RBM18: variants seen among roughly 807,000 people sequenced by gnomAD.
The protein encoded by RBM18 is RNA binding motif protein 18, also known as probable RNA-binding protein 18.
In RBM18, 18 loss-of-function variants were observed where a neutral mutation model predicts 26.4. The observed-to-expected ratio is 0.68, with a 90% confidence interval of 0.47 to 1.01. RBM18 has a LOEUF of 1.01. Ranked by LOEUF, RBM18 falls within the 50% of genes least tolerant of loss-of-function variation. The probability of loss-of-function intolerance (pLI) is 0.00; values close to 1 mark genes in which losing one functional copy is unlikely to be tolerated. For missense variants in RBM18, 180 were observed against 219.2 expected, an observed-to-expected ratio of 0.82 and a Z score of 1.13; for synonymous variants, 74 against 81.1, an observed-to-expected ratio of 0.91 and a Z score of 0.47.
chr9:122,264,221 T>C (rs191664932), intron 1 of RBM18, among the ~76,000 whole-genome samples: 105 of 152,332 alleles, frequency 6.9e-4, no homozygotes, highest in Admixed American at 6.2e-3. Context: ...TGGGTACAAT[T>C]TGTCGTCTCA....
chr9:122,256,406 G>A (rs1220234983), intron 2 of RBM18, among the ~76,000 whole-genome samples: 2 of 151,990 alleles, frequency 1.3e-5, no homozygotes, highest in African/African-American at 2.4e-5. Flanking sequence ...ATAATACAGC[G>A]GCTACGACTT....
At position 122,239,745 on chromosome 9, in the gene RBM18, A is replaced by G. The variant is rs748796654; in HGVS notation, c.*2139T>C. On this transcript the variant is annotated 3_prime_UTR_variant, in exon 6 of 6. Coordinates refer to ENST00000417201, the MANE Select transcript of RBM18 (RefSeq NM_033117.4). ...CAGTACGATACTTGCAGAGATTTCCATTAACAACTTCTTTTCAAATAGTGA... is the reference window on the plus strand; with the variant it reads ...CAGTACGATACTTGCAGAGATTTCCGTTAACAACTTCTTTTCAAATAGTGA... 1 of 152,254 alleles carries G rather than the reference A, an allele frequency of 6.6e-6. No homozygotes were observed. Among genetic ancestry groups the G allele is most frequent in the Non-Finnish European group, 1.5e-5 (1 of 68,046 alleles). The allele number at this position is 152,254 out of a possible 1,614,324, so 9.4% of individuals were successfully genotyped here. A position where few individuals can be genotyped will look rare whatever the true frequency, so the allele number is the denominator to read the frequency against.
chr9:122,251,158 G>A (rs1831599828), intron 3 of RBM18, among the ~76,000 whole-genome samples: 1 of 152,036 alleles, frequency 6.6e-6, no homozygotes, highest in Non-Finnish European at 1.5e-5. Context: ...CCCCATCTCA[G>A]CCTCCAGGGT....
At chr9:122,253,404 T>C (rs538438842) in intron 2 of RBM18, among the ~76,000 whole-genome samples, 1 of 152,184 alleles carries the variant, frequency 6.6e-6, no homozygotes, top group Non-Finnish European at 1.5e-5. Flanking sequence ...TGGATATTAA[T>C]CTGGTCTATT....
At chr9:122,247,266 A>G (rs1274558298) in intron 4 of RBM18, among the ~76,000 whole-genome samples, 4 of 152,214 alleles carry the variant, frequency 2.6e-5, no homozygotes, top group African/African-American at 9.6e-5. Flanking sequence ...CTGAGCGTAC[A>G]CATTAGCCAC....
chr9:122,250,311 A>G (rs1373069470), intron 3 of RBM18, among the ~76,000 whole-genome samples: 2 of 152,186 alleles, frequency 1.3e-5, no homozygotes, highest in Non-Finnish European at 2.9e-5. Flanking sequence ...CTATGCATGG[A>G]CTTTGATGAT....
At chr9:122,253,057 T>C (rs1256494949) in intron 2 of RBM18, among the ~76,000 whole-genome samples, 1 of 152,196 alleles carries the variant, frequency 6.6e-6, no homozygotes, top group Admixed American at 6.5e-5. Context: ...CTCTAAACAA[T>C]GCTGTCCCTG....
chr9:122,261,551 G>T, intron 1 of RBM18, 43 bp from the exon 2 acceptor site: 2 of 1,222,244 alleles, frequency 1.6e-6, no homozygotes, highest in Non-Finnish European at 2.4e-6. Context: ...GAGTAACAAT[G>T]TGTGAACACA....
chr9:122,256,038 AAAC>A (rs3048199), intron 2 of RBM18, among the ~76,000 whole-genome samples: 4,432 of 151,670 alleles, frequency 0.029, 177 homozygotes, highest in African/African-American at 0.093. Flanking sequence ...CTCAAAAAGA[AAAC>A]AACAACAACA....
At chr9:122,255,916 C>G (rs1402335035) in intron 2 of RBM18, among the ~76,000 whole-genome samples, 1 of 151,628 alleles carries the variant, frequency 6.6e-6, no homozygotes. Context: ...GGAGGATTGC[C>G]TGAGCTTGGG....
intron 2 of RBM18, among the ~76,000 whole-genome samples, chr9:122,257,368 G>C (rs1410793965): frequency 6.6e-6 from 1 of 152,112 alleles, no homozygotes. Flanking sequence ...GGATGGTCTC[G>C]ATCTCCTGAC....
chr9:122,260,520 A>G (rs1344913692), intron 2 of RBM18, among the ~76,000 whole-genome samples: 1 of 152,192 alleles, frequency 6.6e-6, no homozygotes, highest in Non-Finnish European at 1.5e-5. Flanking sequence ...TTTCATCTTA[A>G]TGGCTGTGAT....
chr9:122,242,004 T>C lies in RBM18; in HGVS notation c.453A>G (p.Lys151=). 1.2e-6 allele frequency: 2 copies of C among 1,614,128 alleles called. No homozygotes were observed. The highest frequency in any genetic ancestry group is 1.7e-6 in the Non-Finnish European group (2 of 1,180,014). ...CTGCATCAGGATTTTCCGCCATCAT[T>C]TTCAGTTTTGCTTCAATGGCTTTTA... ...AKIKAIEAKL[K]MMAENPDAEY... is the part of the protein sequence containing the mutation. The change falls in exon 6 of 6, where the codon AAA becomes AAG. Residue 151 remains lysine (K), a synonymous_variant. Transcript: ENST00000417201.
At position 122,251,949 on chromosome 9, in the gene RBM18, C is replaced by T. The variant is rs201291648; in HGVS notation, c.138G>A (p.Gln46=). 1.2e-6 allele frequency: 2 copies of T among 1,614,146 alleles called. No individual in the cohort carries two copies. The highest frequency in any genetic ancestry group is 1.7e-6 in the Non-Finnish European group (2 of 1,179,996). ...CAAACTGCTTTACCTTGCCAAACTT[C>T]TGGAGGAGCTTGAGGAGGTGGTATC... ...ITEYHLLKLL[Q]KFGKVKQFDF... Residue 46 remains glutamine, a synonymous_variant, in exon 3 of 6, where the codon CAG becomes CAA. Transcript: ENST00000417201.
At chr9:122,255,492 T>C (rs1178410286) in intron 2 of RBM18, among the ~76,000 whole-genome samples, 1 of 152,180 alleles carries the variant, frequency 6.6e-6, no homozygotes, top group Non-Finnish European at 1.5e-5. Flanking sequence ...TTAACTTTGC[T>C]TAACACACCC....
intron 5 of RBM18, among the ~76,000 whole-genome samples, chr9:122,244,229 G>A (rs974700881): frequency 7.2e-5 from 11 of 152,012 alleles, no homozygotes; most frequent in Admixed American, 1.3e-4. Context: ...AACATTTCAG[G>A]AACACCTTCC....
At chr9:122,262,494 AG>A (rs1394534355) in intron 1 of RBM18, among the ~76,000 whole-genome samples, 1 of 152,234 alleles carries the variant, frequency 6.6e-6, no homozygotes, top group Non-Finnish European at 1.5e-5. Flanking sequence ...AGGAGAAAAG[AG>A]GATTATGATT....
chr9:122,248,888 C>G (rs1831551051), intron 3 of RBM18, among the ~76,000 whole-genome samples: 1 of 152,204 alleles, frequency 6.6e-6, no homozygotes, highest in African/African-American at 2.4e-5. Context: ...TCCTCCAGAA[C>G]CTACCAGTAT....
rs1398478173 is a variant in RBM18 at position 122,245,104 on chromosome 9, G to GTA, written c.413+150_413+151dup. 5 of 603,010 alleles carry GTA rather than the reference G, an allele frequency of 8.3e-6. No individual in the cohort carries two copies. The African/African-American group carries it at 9.3e-5, about 11-fold the overall frequency. 37.4% of individuals were successfully genotyped at this position (603,010 alleles called of 1,614,324 possible). A position where few individuals can be genotyped will look rare whatever the true frequency, so the allele number is the denominator to read the frequency against. Reference sequence around the variant, plus strand: ...TTAGGTGGATGGAAGGAGAGGAAATGTATACATTCTGGAGACTAACTGAAC... The same window carrying GTA: ...TTAGGTGGATGGAAGGAGAGGAAATGTATATACATTCTGGAGACTAACTGAAC... On this transcript the variant is annotated intron_variant, in intron 5 of 5. Transcript: ENST00000417201.
Sources: allele counts gnomAD v4.1 joint callset (sites outside exome capture counted in the v4.1 genomes callset), GRCh38; gene constraint gnomAD v4.1.1; transcripts MANE v1.5; gene names NCBI Gene and HGNC (gene_info 2026-07-23, HGNC 2026-07-21).